SLC25A42: variants seen among roughly 807,000 people sequenced by gnomAD.
SLC25A42 encodes the protein mitochondrial coenzyme A transporter SLC25A42.
SLC25A42 carries 19 observed loss-of-function variants against 34.7 expected under a neutral mutation model. The ratio of observed to expected loss-of-function variants is 0.55; its 90% CI spans 0.38 to 0.80. The LOEUF (loss-of-function observed/expected upper bound fraction) is 0.80, where lower values mean the gene tolerates loss of function less well. SLC25A42 is among the 30% of genes least tolerant of loss of function. The pLI, the probability that SLC25A42 is intolerant of heterozygous loss-of-function variation, is 0.00. For synonymous variants in SLC25A42, 205 were observed against 191.2 expected, an observed-to-expected ratio of 1.07 and a Z score of -0.59; for missense variants, 364 against 441.3, an observed-to-expected ratio of 0.82 and a Z score of 1.57.
chr19:19,106,640 T>C (rs77745437), intron 6 of SLC25A42: 3,286 of 297,054 alleles, frequency 0.011, 100 homozygotes, highest in African/African-American at 0.066. Flanking sequence ...AGTAAAAATA[T>C]GTAAGAATAC....
Position 19,083,301 on chromosome 19 carries a change from C to A in SLC25A42, c.-34-12790C>A, listed in dbSNP as rs562402652. ...ATTACATTGGGGCCATCCAGATAAT[C>A]CAGGACAGTCTCCCCCATCTCAAGA... On this transcript the variant is annotated intron_variant, in intron 1 of 7. Coordinates refer to ENST00000318596, the MANE Select transcript of SLC25A42 (RefSeq NM_178526.5). 8.8e-4 allele frequency among the ~76,000 whole-genome samples: 134 copies of A among 152,310 alleles called. 1 individual carries two copies. The highest frequency in any genetic ancestry group is 7.3e-3 in the South Asian group (35 of 4,826).
At chr19:19,074,959 T>C (rs1195075655) in intron 1 of SLC25A42, among the ~76,000 whole-genome samples, 3 of 152,040 alleles carry the variant, frequency 2.0e-5, no homozygotes, top group Non-Finnish European at 4.4e-5. Context: ...GAGACCAGCC[T>C]GGGCAGCGTA....
chr19:19,074,813 G>A (rs1372080552), intron 1 of SLC25A42, among the ~76,000 whole-genome samples: 2 of 151,960 alleles, frequency 1.3e-5, no homozygotes, highest in East Asian at 3.8e-4. Context: ...TGTACATGGG[G>A]CTTATAGGAT....
At chr19:19,101,491 C>T (rs1015449054) in intron 2 of SLC25A42, among the ~76,000 whole-genome samples, 3 of 152,160 alleles carry the variant, frequency 2.0e-5, no homozygotes, top group East Asian at 1.9e-4. Flanking sequence ...GAAGTTTGCA[C>T]GTGGGCCAGT....
intron 3 of SLC25A42, 127 bp from the exon 4 acceptor site, chr19:19,104,786 C>A: frequency 9.8e-7 from 1 of 1,025,530 alleles, no homozygotes; most frequent in South Asian, 1.4e-5. Context: ...GCTCAGCTCC[C>A]ATTCCTGGGA....
intron 1 of SLC25A42, among the ~76,000 whole-genome samples, chr19:19,095,210 AAAAAC>A (rs2059757973): frequency 1.9e-5 from 1 of 52,640 alleles, no homozygotes; most frequent in Non-Finnish European, 4.7e-5. Context: ...AAGCAAAAAC[AAAAAC>A]AAAAAAAAAC....
intron 1 of SLC25A42, among the ~76,000 whole-genome samples, chr19:19,068,505 A>T (rs1463456897): frequency 6.6e-6 from 1 of 152,060 alleles, no homozygotes; most frequent in East Asian, 1.9e-4. Context: ...CGTCTCTACT[A>T]AAAATACAAA....
intron 1 of SLC25A42, among the ~76,000 whole-genome samples, chr19:19,073,203 G>T (rs544515928): frequency 1.3e-5 from 2 of 152,338 alleles, no homozygotes; most frequent in South Asian, 4.1e-4. Flanking sequence ...AAAAGCACCT[G>T]TCTGCAGCTG....
intron 1 of SLC25A42, among the ~76,000 whole-genome samples, chr19:19,093,464 T>G (rs1413318016): frequency 6.6e-6 from 1 of 152,224 alleles, no homozygotes; most frequent in Non-Finnish European, 1.5e-5. Flanking sequence ...GGTATTAATA[T>G]TAATGGAGCT....
At chr19:19,087,351 G>A (rs2059713245) in intron 1 of SLC25A42, among the ~76,000 whole-genome samples, 3 of 152,068 alleles carry the variant, frequency 2.0e-5, no homozygotes, top group Admixed American at 1.3e-4. Context: ...GCAGTGGCAC[G>A]ATCTCAGCTC....
At chr19:19,105,420 TG>T in intron 4 of SLC25A42, 140 bp from the exon 5 acceptor site, 1 of 961,002 alleles carries the variant, frequency 1.0e-6, no homozygotes, top group Non-Finnish European at 1.5e-6. Context: ...GGCCCTCACA[TG>T]GGGGTGGGGT....
chr19:19,111,253 A>C lies in SLC25A42; in HGVS notation c.*377A>C, dbSNP rs2059863519. On this transcript the variant is annotated 3_prime_UTR_variant, in exon 8 of 8. Transcript: ENST00000318596. The stretch of plus-strand genomic sequence containing the variant: ...TGACCCCTGTCCCCACCAGGCTCAG[A>C]GCCAGACCGCGCCTGGACCTTCTTG... The C allele has an allele frequency of 1.1e-5, 3 of 278,604 alleles. No individual in the cohort carries two copies. The South Asian group carries it at 1.2e-4, about 11-fold the overall frequency. 17.3% of individuals were successfully genotyped at this position (278,604 alleles called of 1,614,324 possible).
chr19:19,111,037 C>A lies in SLC25A42; in HGVS notation c.*161C>A, dbSNP rs4808921. The A allele has an allele frequency of 0.072, 55,085 of 763,366 alleles. 2,373 individuals carry two copies. The highest frequency in any genetic ancestry group is 0.12 in the Middle Eastern group (299 of 2,586). 47.3% of individuals were successfully genotyped at this position (763,366 alleles called of 1,614,324 possible). ...AGGGGCCTGGGCTCAGAGTCCACGT[C>A]CAAACGCAAAGCTGGCAGCCCTGGA... On this transcript the variant is annotated 3_prime_UTR_variant, in exon 8 of 8. Coordinates refer to ENST00000318596, the MANE Select transcript of SLC25A42 (RefSeq NM_178526.5).
chr19:19,098,673 C>A (rs2059778211), intron 2 of SLC25A42, among the ~76,000 whole-genome samples: 1 of 152,108 alleles, frequency 6.6e-6, no homozygotes, highest in Admixed American at 6.5e-5. Context: ...AATCCCAACA[C>A]TTTGGGATGC....
rs1019934186 is a variant in SLC25A42 at position 19,081,127 on chromosome 19, GAAGA to G, written c.-34-14954_-34-14951del. Among the ~76,000 whole-genome samples the G allele has an allele frequency of 5.9e-5, 9 of 151,658 alleles. No individual in the cohort carries two copies. Among genetic ancestry groups the G allele is most frequent in the South Asian group, 4.2e-4 (2 of 4,802 alleles). ...TGAGACCCTGAAAAAATAAAAAAAA[GAAGA>G]AAGAAAGAATAAAGAAAAGAAAGGA... On this transcript the variant is annotated intron_variant, in intron 1 of 7. Transcript: ENST00000318596. This position sits in a 1 kb window ranked among gnomAD's most constrained non-coding sequence, Gnocchi z 4.5.
At chr19:19,091,746 A>C (rs778048656) in intron 1 of SLC25A42, among the ~76,000 whole-genome samples, 1 of 152,094 alleles carries the variant, frequency 6.6e-6, no homozygotes, top group Non-Finnish European at 1.5e-5. Context: ...GTCTGGTGGC[A>C]TGAGCCTATA....
intron 1 of SLC25A42, among the ~76,000 whole-genome samples, chr19:19,078,304 C>G (rs1387021299): frequency 2.0e-5 from 3 of 152,202 alleles, no homozygotes; most frequent in African/African-American, 7.2e-5. Flanking sequence ...GGCCCACTTG[C>G]ATTCAGCATG....
At chr19:19,101,739 GC>G (rs747741233) in intron 2 of SLC25A42, 41 bp from the exon 3 acceptor site, 71 of 1,557,458 alleles carry the variant, frequency 4.6e-5, no homozygotes, top group Middle Eastern at 1.7e-4. Context: ...CTGCGGAGCC[GC>G]CCCCCTGCCC....
intron 2 of SLC25A42, among the ~76,000 whole-genome samples, chr19:19,097,368 G>A (rs747049017): frequency 2.6e-5 from 4 of 152,210 alleles, no homozygotes; most frequent in Non-Finnish European, 4.4e-5. Flanking sequence ...GGGCAGGCAC[G>A]TGCCTTGAAG....
Sources: allele counts gnomAD v4.1 joint callset (sites outside exome capture counted in the v4.1 genomes callset), GRCh38; gene constraint gnomAD v4.1.1; non-coding constraint Gnocchi (gnomAD v3.1); transcripts MANE v1.5; gene names NCBI Gene and HGNC (gene_info 2026-07-23, HGNC 2026-07-21).